KMT2C: variants seen among roughly 807,000 people sequenced by gnomAD.
KMT2C encodes the protein histone-lysine N-methyltransferase 2C.
A neutral mutation model predicts 507.9 loss-of-function variants in KMT2C; 88 were observed. The ratio of observed to expected loss-of-function variants is 0.17; its 90% confidence interval spans 0.15 to 0.21. KMT2C has a LOEUF of 0.21. Ranked by LOEUF, KMT2C falls within the 10% of genes least tolerant of loss-of-function variation. The probability of loss-of-function intolerance (pLI) is 1.00; values close to 1 mark genes in which losing one functional copy is unlikely to be tolerated. For synonymous variants in KMT2C, 2,049 were observed against 2,080.8 expected, an observed-to-expected ratio of 0.98 and a Z score of 0.42; for missense variants, 4,954 against 5,957.8, an observed-to-expected ratio of 0.83 and a Z score of 5.55.
intron 2 of KMT2C, among the ~76,000 whole-genome samples, chr7:152,332,426 A>G (rs1333511720): frequency 6.6e-6 from 1 of 152,176 alleles, no homozygotes; most frequent in Non-Finnish European, 1.5e-5. Flanking sequence ...AAAACATCTT[A>G]AAGTCCTTTC....
At chr7:152,410,137 C>G (rs1024630171) in intron 1 of KMT2C, among the ~76,000 whole-genome samples, 13 of 152,138 alleles carry the variant, frequency 8.5e-5, no homozygotes, top group African/African-American at 3.1e-4. Flanking sequence ...ATAGGCCGGG[C>G]ACGGTGGCTC....
rs1354151567 is a variant in KMT2C at position 152,136,753 on chromosome 7, T to G, written c.*79A>C. The G allele has an allele frequency of 2.0e-6, 2 of 1,006,122 alleles. No individual in the cohort carries two copies. Among genetic ancestry groups the G allele is most frequent in the African/African-American group, 3.2e-5 (2 of 62,740 alleles). The allele number at this position is 1,006,122 out of a possible 1,614,324, so 62.3% of individuals were successfully genotyped here. A position where few individuals can be genotyped will look rare whatever the true frequency, so the allele number is the denominator to read the frequency against. Reference sequence around the variant, plus strand: ...AAAACAGAAAACAAAAATCTCTTTCTGTCTGCAAAATTCCAATGGTGTGTT... The same window carrying G: ...AAAACAGAAAACAAAAATCTCTTTCGGTCTGCAAAATTCCAATGGTGTGTT... On this transcript the variant is annotated 3_prime_UTR_variant, in exon 59 of 59. Transcript: ENST00000262189.
chr7:152,311,927 T>C lies in KMT2C; in HGVS notation c.610A>G (p.Asn204Asp). 6.3e-7 allele frequency: 1 copy of C among 1,584,208 alleles called. No homozygotes were observed. ...GQRKERSPQQ[N>D]IVSCVSVSTQ... is the part of the protein sequence containing the mutation. The stretch of plus-strand genomic sequence containing the variant: ...CTTACACTTACACAAGATACTATAT[T>C]CTGCTGAGGAGATCGTTCTCTGAAA... Residue 204 changes from asparagine (N) to aspartate (D), a missense_variant, in exon 5 of 59, where the codon AAT becomes GAT. Transcript: ENST00000262189.
chr7:152,212,304 T>C (rs533989623), intron 23 of KMT2C, among the ~76,000 whole-genome samples: 73 of 152,322 alleles, frequency 4.8e-4, no homozygotes, highest in Non-Finnish European at 9.7e-4. Flanking sequence ...TGCACAGGTA[T>C]TGCCTATTCA....
intron 6 of KMT2C, among the ~76,000 whole-genome samples, chr7:152,289,711 T>TA (rs2096374825): frequency 1.3e-5 from 2 of 152,304 alleles, no homozygotes; most frequent in East Asian, 1.9e-4. Flanking sequence ...TTCCAATACT[T>TA]AAAGACTTTT....
intron 1 of KMT2C, among the ~76,000 whole-genome samples, chr7:152,379,835 C>G (rs1379786924): frequency 1.1e-4 from 16 of 151,298 alleles, no homozygotes; most frequent in African/African-American, 3.9e-4. Context: ...GTGGCCCATG[C>G]CTGTAATCCC....
rs200661920 is a variant in KMT2C at position 152,182,495 on chromosome 7, C to T, written c.5365G>A (p.Gly1789Ser). ...GACTGCACCAGAAGATGCTGAGAAC[C>T]AAATTGCTGTTGTTGCTGCTGCTGC... ...EQQQQQQQQF[G>S]SQHLLVQSGS... Residue 1789 changes from glycine to serine, a missense_variant, in exon 36 of 59, where the codon GGT becomes AGT. Coordinates refer to ENST00000262189, the MANE Select transcript of KMT2C (RefSeq NM_170606.3). 6.2e-7 allele frequency: 1 copy of T among 1,613,972 alleles called. No individual in the cohort carries two copies. Among genetic ancestry groups the T allele is most frequent in the Non-Finnish European group, 8.5e-7 (1 of 1,179,904 alleles).
At chr7:152,362,719 T>C (rs1371618471) in intron 1 of KMT2C, among the ~76,000 whole-genome samples, 1 of 152,240 alleles carries the variant, frequency 6.6e-6, no homozygotes, top group Non-Finnish European at 1.5e-5. Context: ...CTGTTGTTTG[T>C]TTTGGCACAA....
chr7:152,280,532 C>G (rs2096189312), intron 6 of KMT2C, among the ~76,000 whole-genome samples: 1 of 152,122 alleles, frequency 6.6e-6, no homozygotes, highest in Non-Finnish European at 1.5e-5. Context: ...GCCTGGGCGG[C>G]AGATCAAGAA....
chr7:152,326,618 C>T (rs1453655024), intron 3 of KMT2C, among the ~76,000 whole-genome samples: 2 of 152,092 alleles, frequency 1.3e-5, no homozygotes, highest in African/African-American at 4.8e-5. Context: ...CGGTGGCTCA[C>T]GCCTGTAATC....
At chr7:152,241,246 C>CTAGA (rs760469218) in intron 14 of KMT2C, among the ~76,000 whole-genome samples, 34 of 152,132 alleles carry the variant, frequency 2.2e-4, no homozygotes, top group Non-Finnish European at 3.8e-4. Flanking sequence ...GTCACCCAGG[C>CTAGA]TAGAGTGCGG....
intron 1 of KMT2C, among the ~76,000 whole-genome samples, chr7:152,420,841 A>G (rs2097773163): frequency 6.6e-6 from 1 of 151,920 alleles, no homozygotes; most frequent in Non-Finnish European, 1.5e-5. Flanking sequence ...TCAAAAAAAA[A>G]AAGGCCTAAT....
intron 3 of KMT2C, among the ~76,000 whole-genome samples, chr7:152,317,648 C>T (rs2096733163): frequency 6.6e-6 from 1 of 152,162 alleles, no homozygotes; most frequent in African/African-American, 2.4e-5. Flanking sequence ...CACCTGTGAC[C>T]AAAGACAGGG....
intron 1 of KMT2C, among the ~76,000 whole-genome samples, chr7:152,413,428 A>G (rs62495279): frequency 6.6e-6 from 1 of 152,240 alleles, no homozygotes; most frequent in East Asian, 1.9e-4. Context: ...ATTTTTAAAT[A>G]TCATTCCAAA....
intron 28 of KMT2C, among the ~76,000 whole-genome samples, chr7:152,195,099 C>T (rs1480657706): frequency 6.6e-6 from 1 of 152,012 alleles, no homozygotes; most frequent in Non-Finnish European, 1.5e-5. Flanking sequence ...ATGTACATTA[C>T]ATTTTATAAA....
chr7:152,144,707 C>T lies in KMT2C; in HGVS notation c.14343+6G>A, dbSNP rs751948071. The T allele has an allele frequency of 1.2e-6, 2 of 1,612,040 alleles. No homozygotes were observed. The highest frequency in any genetic ancestry group is 1.7e-4 in the Middle Eastern group (1 of 6,058). On this transcript the variant is annotated splice_donor_region_variant and intron_variant, in intron 55 of 58. Transcript: ENST00000262189. The surrounding 1 kb of genome is among the most constrained non-coding windows in gnomAD (Gnocchi z 4.4). ...TCCACTTCCTGTACACAAAGTATTT[C>T]TTCACCTGAATCCGAGACCGTGCCA... is the stretch of plus-strand genomic sequence containing the variant.
At chr7:152,355,510 G>A (rs4570064) in intron 2 of KMT2C, among the ~76,000 whole-genome samples, 36,920 of 151,302 alleles carry the variant, frequency 0.24, 5,651 homozygotes, top group Middle Eastern at 0.35. Context: ...GAAGATGAGC[G>A]AAGAGAATGA....
chr7:152,348,599 TAAAAAAAAAAA>T (rs201530125), intron 2 of KMT2C, among the ~76,000 whole-genome samples: 5 of 48,992 alleles, frequency 1.0e-4, no homozygotes, highest in African/African-American at 1.8e-4. Flanking sequence ...AACTCTGTCT[TAAAAAAAAAAA>T]AAAAAAAAAA....
At position 152,220,702 on chromosome 7, in the gene KMT2C, C is replaced by T. The variant is rs2129145735; in HGVS notation, c.3533G>A (p.Cys1178Tyr). ...CTGAGTCATCCCTGATTCAGTCAAA[C>T]ACACACCATCCTGGGTATAAGTCTT... ...PPKTYTQDGV[C>Y]LTESGMTQLQ... The change falls in exon 23 of 59, where the codon TGT becomes TAT. Residue 1178 changes from cysteine (C) to tyrosine (Y), a missense_variant. By Grantham distance (194) the Cys-to-Tyr change is radical. Transcript: ENST00000262189. 1 of 1,610,764 alleles carries T rather than the reference C, an allele frequency of 6.2e-7. No individual in the cohort carries two copies. The highest frequency in any genetic ancestry group is 2.2e-5 in the East Asian group (1 of 44,852).
Sources: allele counts gnomAD v4.1 joint callset (sites outside exome capture counted in the v4.1 genomes callset), GRCh38; gene constraint gnomAD v4.1.1; non-coding constraint Gnocchi (gnomAD v3.1); transcripts MANE v1.5; gene names NCBI Gene and HGNC (gene_info 2026-07-23, HGNC 2026-07-21).